Variants in SLC44A5 observed in about 807,000 individuals in gnomAD.
The protein encoded by SLC44A5 is solute carrier family 44 member 5.
Under a neutral mutation model 101.8 loss-of-function variants are expected in SLC44A5, and 57 were observed. That is an observed-to-expected ratio of 0.56 (90% CI 0.45 to 0.70). The LOEUF is 0.70. Among genes scored for constraint, SLC44A5 ranks in the 30% least tolerant of loss-of-function variants. SLC44A5 has a pLI of 0.00. For missense variants in SLC44A5, 737 were observed against 853.1 expected (o/e 0.86, Z 1.70); for synonymous variants, 281 against 290.9 (o/e 0.97, Z 0.35).
At chr1:75,453,494 AT>A (rs761959480) in intron 2 of SLC44A5, among the ~76,000 whole-genome samples, 21 of 152,208 alleles carry the variant, frequency 1.4e-4, no homozygotes, top group Admixed American at 3.3e-4. Flanking sequence ...ACAAGAACAA[AT>A]TAACCCCAAA....
At chr1:75,414,182 T>A (rs1307956814) in intron 2 of SLC44A5, among the ~76,000 whole-genome samples, 1 of 152,068 alleles carries the variant, frequency 6.6e-6, no homozygotes, top group African/African-American at 2.4e-5. Flanking sequence ...TTGTCCTTGA[T>A]CTCCACTACT....
the SLC44A5 span, among the ~76,000 whole-genome samples, chr1:75,625,709 T>C: frequency 2.6e-5 from 4 of 152,270 alleles, no homozygotes; most frequent in South Asian, 8.3e-4. Context: ...TATTTATTTA[T>C]TTTCTGGTAC....
intron 2 of SLC44A5, among the ~76,000 whole-genome samples, chr1:75,406,245 A>C (rs189501751): frequency 3.5e-4 from 53 of 152,300 alleles, no homozygotes; most frequent in Non-Finnish European, 5.9e-5. Flanking sequence ...AAAAAAGCCC[A>C]AGACCAGATA....
Position 75,469,444 on chromosome 1 carries a change from G to T in SLC44A5, c.13+71991C>A, listed in dbSNP as rs560348412. On this transcript the variant is annotated intron_variant, in intron 2 of 23. Transcript: ENST00000370859. Reference sequence around the variant, plus strand: ...ATACCATTTATATAATTTAGATGCAGATTTTACTAGCATTCCCAGAAAAAA... The same window carrying T: ...ATACCATTTATATAATTTAGATGCATATTTTACTAGCATTCCCAGAAAAAA... Among the ~76,000 whole-genome samples the T allele has an allele frequency of 4.0e-5, 6 of 149,964 alleles. No individual in the cohort carries two copies. The East Asian group carries it at 9.7e-4, about 24-fold the overall frequency.
chr1:75,270,478 G>A (rs1651377348), intron 6 of SLC44A5, among the ~76,000 whole-genome samples: 1 of 151,930 alleles, frequency 6.6e-6, no homozygotes, highest in South Asian at 2.1e-4. Context: ...TCAACAATTT[G>A]GGAAAATAGT....
intron 5 of SLC44A5, among the ~76,000 whole-genome samples, chr1:75,279,088 A>G (rs1652170435): frequency 6.6e-6 from 1 of 152,068 alleles, no homozygotes; most frequent in East Asian, 1.9e-4. Flanking sequence ...ATTTTGAAAT[A>G]CACAATAAAT....
chr1:75,366,921 T>C (rs1659898045), intron 3 of SLC44A5, among the ~76,000 whole-genome samples: 1 of 142,126 alleles, frequency 7.0e-6, no homozygotes, highest in Non-Finnish European at 1.5e-5. Flanking sequence ...GTGTTAATGC[T>C]CTGTTTTTGT....
chr1:75,210,507 G>A lies in SLC44A5; in HGVS notation c.2047+961C>T, dbSNP rs200905363. Among the ~76,000 whole-genome samples the A allele has an allele frequency of 4.6e-5, 7 of 152,214 alleles. No individual in the cohort carries two copies. In the East Asian group the frequency reaches 9.6e-4, roughly 21 times the overall value. ...CTATTTCCTAGAGGCACTCCTCTCC[G>A]AATCCTATCCATTTGTCATTGTGAT... On this transcript the variant is annotated intron_variant, in intron 23 of 23. Coordinates refer to ENST00000370859, the MANE Select transcript of SLC44A5 (RefSeq NM_001130058.2).
At chr1:75,267,444 C>T (rs1651091455) in intron 6 of SLC44A5, among the ~76,000 whole-genome samples, 1 of 151,896 alleles carries the variant, frequency 6.6e-6, no homozygotes, top group Non-Finnish European at 1.5e-5. Context: ...AAAAGTGATA[C>T]ACATTTTTGG....
intron 2 of SLC44A5, among the ~76,000 whole-genome samples, chr1:75,528,960 G>A (rs914528180): frequency 5.9e-5 from 9 of 151,988 alleles, no homozygotes; most frequent in Non-Finnish European, 2.9e-5. Context: ...TAAGCAACTC[G>A]CTTCTGTGTA....
intron 1 of SLC44A5, among the ~76,000 whole-genome samples, chr1:75,593,669 G>A (rs1674479091): frequency 6.6e-6 from 1 of 152,078 alleles, no homozygotes; most frequent in African/African-American, 2.4e-5. Flanking sequence ...AAAAGGATGA[G>A]ATCCTGTCAT....
At chr1:75,580,650 C>T (rs1673633307) in intron 1 of SLC44A5, among the ~76,000 whole-genome samples, 1 of 152,060 alleles carries the variant, frequency 6.6e-6, no homozygotes, top group South Asian at 2.1e-4. Context: ...ACCAGCCTGG[C>T]CAACATGGCA....
chr1:75,665,029 T>G, the SLC44A5 span, among the ~76,000 whole-genome samples: 91 of 152,158 alleles, frequency 6.0e-4, no homozygotes, highest in Middle Eastern at 3.4e-3. Flanking sequence ...ATGGCCATAC[T>G]GCCCAAAGCA....
At chr1:75,386,860 A>G (rs1478064025) in intron 3 of SLC44A5, among the ~76,000 whole-genome samples, 2 of 152,282 alleles carry the variant, frequency 1.3e-5, no homozygotes, top group Non-Finnish European at 2.9e-5. Context: ...ACCAAAACAG[A>G]GATATAGATC....
chr1:75,634,716 G>GAAGACCTAAAACCATAAAAACCAAA, the SLC44A5 span, among the ~76,000 whole-genome samples: 1 of 151,330 alleles, frequency 6.6e-6, no homozygotes, highest in Non-Finnish European at 1.5e-5. Context: ...AACCCTAGAA[G>GAAGACCTAAAACCATAAAAACCAAA]AAAACCTAGG....
intron 1 of SLC44A5, among the ~76,000 whole-genome samples, chr1:75,550,207 C>T (rs1671864057): frequency 6.6e-6 from 1 of 151,956 alleles, no homozygotes; most frequent in Non-Finnish European, 1.5e-5. Context: ...GCTAAATAAC[C>T]ATGTAATGAA....
At chr1:75,701,185 C>G in the SLC44A5 span, among the ~76,000 whole-genome samples, 2 of 152,260 alleles carry the variant, frequency 1.3e-5, no homozygotes, top group African/African-American at 2.4e-5. Context: ...GATACCAAAG[C>G]CTGGCAGAGA....
intron 6 of SLC44A5, among the ~76,000 whole-genome samples, chr1:75,270,859 T>A (rs1651409530): frequency 6.6e-6 from 1 of 152,172 alleles, no homozygotes; most frequent in Admixed American, 6.6e-5. Flanking sequence ...CTGAAATTTG[T>A]GCTGTCACAT....
At chr1:75,687,917 G>C in the SLC44A5 span, among the ~76,000 whole-genome samples, 2 of 152,124 alleles carry the variant, frequency 1.3e-5, no homozygotes, top group Admixed American at 1.3e-4. Context: ...CCCATTTTAG[G>C]ACTAGCAGCA....
Sources: allele counts gnomAD v4.1 joint callset (sites outside exome capture counted in the v4.1 genomes callset), GRCh38; gene constraint gnomAD v4.1.1; transcripts MANE v1.5; gene names NCBI Gene and HGNC (gene_info 2026-07-23, HGNC 2026-07-21).